Variants in NTRK3 observed in about 807,000 individuals in gnomAD.
NTRK3 encodes the protein NT-3 growth factor receptor.
Under a neutral mutation model 91.7 loss-of-function variants are expected in NTRK3, and 24 were observed. That is an observed-to-expected ratio of 0.26 (90% confidence interval 0.19 to 0.37). The LOEUF (loss-of-function observed/expected upper bound fraction) is 0.37. Ranked by LOEUF, NTRK3 falls within the 10% of genes least tolerant of loss-of-function variation. The probability of loss-of-function intolerance (pLI) is 1.00; values close to 1 mark genes in which losing one functional copy is unlikely to be tolerated. For missense variants in NTRK3, 880 were observed against 1,068.9 expected (o/e 0.82, Z 2.46); for synonymous variants, 483 against 404.0 (o/e 1.20, Z -2.34).
intron 3 of NTRK3, among the ~76,000 whole-genome samples, chr15:88,251,031 G>A (rs1567720136): frequency 1.3e-5 from 2 of 152,308 alleles, no homozygotes; most frequent in East Asian, 1.9e-4. Context: ...GGGGAGTCAC[G>A]AAGCTGGGTG....
intron 5 of NTRK3, among the ~76,000 whole-genome samples, chr15:88,172,056 C>T (rs901218572): frequency 2.6e-5 from 4 of 152,210 alleles, no homozygotes; most frequent in African/African-American, 9.6e-5. Context: ...TGACTTACTC[C>T]ATCTGGGAGA....
intron 3 of NTRK3, among the ~76,000 whole-genome samples, chr15:88,217,351 G>C (rs1471462917): frequency 2.6e-5 from 4 of 152,228 alleles, no homozygotes; most frequent in African/African-American, 7.2e-5. Flanking sequence ...AAAGTAACCC[G>C]TGTATCCATC....
chr15:88,236,514 T>TAAAAA lies in NTRK3; in HGVS notation c.248+19387_248+19391dup, dbSNP rs60187446. ...AAAGTGAGACTCCAGCCTCTATTAT[T>TAAAAA]AAAAAAAAAAAAAAAAAAAAAAAAA... is the stretch of plus-strand genomic sequence containing the variant. On this transcript the variant is annotated intron_variant, in intron 3 of 18. Coordinates refer to ENST00000394480, the Ensembl canonical transcript of NTRK3. Among the ~76,000 whole-genome samples, 62 of 53,762 alleles carry TAAAAA rather than the reference T, an allele frequency of 1.2e-3. 1 individual carries two copies. The highest frequency in any genetic ancestry group is 3.8e-3 in the African/African-American group (54 of 14,184). The allele number at this position is 53,762 out of a possible 152,430, so 35.3% of individuals were successfully genotyped here. A position where few individuals can be genotyped will look rare whatever the true frequency, so the allele number is the denominator to read the frequency against.
intron 3 of NTRK3, among the ~76,000 whole-genome samples, chr15:88,197,054 C>T (rs2047884319): frequency 8.4e-6 from 1 of 119,062 alleles, no homozygotes; most frequent in African/African-American, 3.2e-5. Context: ...AGAGCTAACA[C>T]AGAGTGCTGT....
intron 13 of NTRK3, among the ~76,000 whole-genome samples, chr15:88,123,135 A>G (rs2052911336): frequency 6.6e-6 from 1 of 152,206 alleles, no homozygotes; most frequent in South Asian, 2.1e-4. Flanking sequence ...AGGTTTATAC[A>G]TAAAGAAAAG....
chr15:88,152,976 C>G (rs1456231569), intron 5 of NTRK3, among the ~76,000 whole-genome samples: 4 of 152,224 alleles, frequency 2.6e-5, no homozygotes, highest in African/African-American at 9.6e-5. Context: ...CTGACTCTTC[C>G]TGGAGGATTC....
rs1374362960 is a variant in NTRK3 at position 87,943,712 on chromosome 15, C to G, written c.1586-2959G>C. Among the ~76,000 whole-genome samples the G allele has an allele frequency of 2.6e-5, 4 of 152,062 alleles. No homozygotes were observed. In the East Asian group the frequency reaches 7.7e-4, roughly 29 times the overall value. On this transcript the variant is annotated intron_variant, in intron 14 of 18. Transcript: ENST00000394480. ...CCCTCGGCAGCAAGAATCACAACCC[C>G]TGAGAGATTCAGACAAGCCAAGTGG...
chr15:88,144,230 C>T (rs2042663004), intron 6 of NTRK3: 1 of 152,150 alleles, frequency 6.6e-6, no homozygotes. Context: ...CAAATTTTTC[C>T]AACCTGTGCC....
intron 14 of NTRK3, chr15:87,977,670 A>G (rs976459163): frequency 1.3e-5 from 3 of 232,168 alleles, no homozygotes; most frequent in Non-Finnish European, 1.7e-5. Flanking sequence ...GGAGAGCTGG[A>G]GGGGGCGAGA....
chr15:87,860,670 C>A, exon 19 of NTRK3: 1 of 207,994 alleles, frequency 4.8e-6, no homozygotes. Context: ...GGAACAGCAC[C>A]TCAAGGAGGA....
chr15:88,094,475 CAAAAAAAAAAAAAA>C (rs10610101), intron 13 of NTRK3, among the ~76,000 whole-genome samples: 36 of 30,326 alleles, frequency 1.2e-3, no homozygotes, highest in Non-Finnish European at 2.3e-3. Context: ...GACTCCGTCT[CAAAAAAAAAAAAAA>C]AAAAAAAAAA....
At chr15:88,007,590 A>AT (rs1190861949) in intron 14 of NTRK3, among the ~76,000 whole-genome samples, 1 of 152,048 alleles carries the variant, frequency 6.6e-6, no homozygotes, top group South Asian at 2.1e-4. Context: ...CAATCCTAAG[A>AT]TTTTCTAACT....
At chr15:88,060,820 T>A (rs191457385) in intron 13 of NTRK3, among the ~76,000 whole-genome samples, 1 of 152,290 alleles carries the variant, frequency 6.6e-6, no homozygotes, top group East Asian at 1.9e-4. Context: ...GTGTAAGAAG[T>A]TATTTTTGCT....
rs189650957 is a variant in NTRK3 at position 88,201,721 on chromosome 15, A to G, written c.249-17422T>C. ...TGTGAGGTGCTAGCCCTGCCTGCAG[A>G]TGTCTTGGGGTCCGAATACTTCAGA... On this transcript the variant is annotated intron_variant, in intron 3 of 18. Transcript: ENST00000394480. Among the ~76,000 whole-genome samples the G allele has an allele frequency of 2.3e-3, 347 of 152,210 alleles. 6 individuals are homozygous for G. The East Asian group carries it at 0.023, about 10-fold the overall frequency.
intron 14 of NTRK3, among the ~76,000 whole-genome samples, chr15:87,964,389 T>G (rs1000237052): frequency 1.1e-3 from 173 of 150,742 alleles, no homozygotes; most frequent in African/African-American, 4.0e-3. Flanking sequence ...ATATATTATA[T>G]ATTTACTATG....
chr15:87,893,823 G>A (rs141140092), intron 17 of NTRK3, among the ~76,000 whole-genome samples: 45 of 152,286 alleles, frequency 3.0e-4, no homozygotes, highest in Admixed American at 5.9e-4. Flanking sequence ...ATGAGCAAGC[G>A]TGGATTCACA....
intron 17 of NTRK3, among the ~76,000 whole-genome samples, chr15:87,894,643 T>C (rs986668445): frequency 2.6e-4 from 39 of 152,206 alleles, no homozygotes; most frequent in African/African-American, 8.9e-4. Context: ...GGTTTTAAAC[T>C]AGTTAATCAG....
rs1567586337 is a variant in NTRK3, at chr15:88,176,132, C to CT, written c.395+7285_395+7286insA. ...TGCATGTAATATTTGCCTATATGCCCCTTCTTTTTTTTTTTTTTTTTTTGA... is the reference window on the plus strand; with the variant it reads ...TGCATGTAATATTTGCCTATATGCCCTCTTCTTTTTTTTTTTTTTTTTTTGA... On this transcript the variant is annotated intron_variant, in intron 5 of 18. Transcript: ENST00000394480. Among the ~76,000 whole-genome samples the CT allele has an allele frequency of 1.9e-4, 26 of 136,302 alleles. 1 individual carries two copies. The highest frequency in any genetic ancestry group is 7.8e-4 in the African/African-American group (25 of 32,068). 89.4% of individuals were successfully genotyped at this position (136,302 alleles called of 152,430 possible). A position where few individuals can be genotyped will look rare whatever the true frequency, so the allele number is the denominator to read the frequency against.
chr15:88,095,858 C>T (rs909819246), intron 13 of NTRK3, among the ~76,000 whole-genome samples: 2 of 152,174 alleles, frequency 1.3e-5, no homozygotes, highest in Non-Finnish European at 2.9e-5. Context: ...TGAGTGGTAA[C>T]ATCTTACATA....
Sources: allele counts gnomAD v4.1 joint callset (sites outside exome capture counted in the v4.1 genomes callset), GRCh38; gene constraint gnomAD v4.1.1; transcripts MANE v1.5; gene names NCBI Gene and HGNC (gene_info 2026-07-23, HGNC 2026-07-21).